PDGFD: variants seen among roughly 807,000 people sequenced by gnomAD.
PDGFD encodes platelet derived growth factor D.
Under a neutral mutation model 44.7 loss-of-function variants are expected in PDGFD, and 30 were observed. The ratio of observed to expected loss-of-function variants is 0.67; its 90% CI spans 0.50 to 0.91. The LOEUF (loss-of-function observed/expected upper bound fraction) is 0.91. Ranked by LOEUF, PDGFD falls within the 40% of genes least tolerant of loss-of-function variation. The pLI is 0.00. For missense variants in PDGFD, 445 were observed against 457.8 expected, an observed-to-expected ratio of 0.97 and a Z score of 0.25; for synonymous variants, 173 against 168.4, an observed-to-expected ratio of 1.03 and a Z score of -0.21.
chr11:104,049,433 T>C (rs1286653764), intron 1 of PDGFD, among the ~76,000 whole-genome samples: 1 of 152,196 alleles, frequency 6.6e-6, no homozygotes, highest in Non-Finnish European at 1.5e-5. Flanking sequence ...AGGGCTAGAT[T>C]ACGTAAGGCT....
chr11:103,914,769 C>G (rs1308569366), intron 6 of PDGFD, among the ~76,000 whole-genome samples: 2 of 152,122 alleles, frequency 1.3e-5, no homozygotes, highest in African/African-American at 4.8e-5. Flanking sequence ...TGGCGTCATC[C>G]CTGGGATGCA....
chr11:104,023,799 T>C (rs1010980289), intron 1 of PDGFD, among the ~76,000 whole-genome samples: 14 of 152,164 alleles, frequency 9.2e-5, no homozygotes, highest in Non-Finnish European at 1.8e-4. Context: ...TCACAGCTTA[T>C]GCATTTACTG....
At chr11:104,025,481 T>C (rs755306481) in intron 1 of PDGFD, among the ~76,000 whole-genome samples, 2 of 152,234 alleles carry the variant, frequency 1.3e-5, no homozygotes, top group South Asian at 4.1e-4. Context: ...CAGTTCTGGT[T>C]TGTTTCTCCC....
intron 1 of PDGFD, among the ~76,000 whole-genome samples, chr11:104,125,906 G>GA (rs1263515715): frequency 3.9e-5 from 6 of 152,122 alleles, no homozygotes; most frequent in Non-Finnish European, 4.4e-5. Flanking sequence ...ATTCAATTCA[G>GA]AAAACTAGAA....
At chr11:104,026,928 T>G (rs1000775959) in intron 1 of PDGFD, among the ~76,000 whole-genome samples, 14 of 152,230 alleles carry the variant, frequency 9.2e-5, no homozygotes, top group Non-Finnish European at 2.1e-4. Context: ...ACAGTTTTGT[T>G]GCACACAAGG....
intron 1 of PDGFD, among the ~76,000 whole-genome samples, chr11:104,011,171 A>G (rs1026044622): frequency 6.6e-6 from 1 of 151,944 alleles, no homozygotes; most frequent in African/African-American, 2.4e-5. Flanking sequence ...ATCAGAGGCA[A>G]TGATCGTAAA....
At chr11:103,988,413 C>T (rs1472320712) in intron 3 of PDGFD, among the ~76,000 whole-genome samples, 2 of 151,750 alleles carry the variant, frequency 1.3e-5, no homozygotes, top group Admixed American at 6.6e-5. Flanking sequence ...CTCAGCACAT[C>T]GGGGAGTCAT....
chr11:104,075,532 CACCCAG>C (rs1358394672), intron 1 of PDGFD, among the ~76,000 whole-genome samples: 1 of 152,022 alleles, frequency 6.6e-6, no homozygotes, highest in Non-Finnish European at 1.5e-5. Context: ...CTTGCTCGGT[CACCCAG>C]ACTGGAGTGC....
At chr11:104,095,968 C>T (rs559316183) in intron 1 of PDGFD, among the ~76,000 whole-genome samples, 1 of 152,256 alleles carries the variant, frequency 6.6e-6, no homozygotes, top group South Asian at 2.1e-4. Flanking sequence ...AACAATAACT[C>T]ATTCAATACT....
chr11:103,931,550 G>C (rs954463555), intron 5 of PDGFD, among the ~76,000 whole-genome samples: 1 of 152,090 alleles, frequency 6.6e-6, no homozygotes, highest in Non-Finnish European at 1.5e-5. Context: ...TTAAACTGCT[G>C]CATGTCCTTG....
chr11:104,115,207 C>A (rs997986562), intron 1 of PDGFD, among the ~76,000 whole-genome samples: 13 of 151,154 alleles, frequency 8.6e-5, no homozygotes, highest in African/African-American at 3.2e-4. Flanking sequence ...TCATCCAGCT[C>A]ACCATGAATG....
intron 5 of PDGFD, among the ~76,000 whole-genome samples, chr11:103,934,550 G>T (rs1858457445): frequency 6.6e-6 from 1 of 152,174 alleles, no homozygotes; most frequent in Admixed American, 6.6e-5. Flanking sequence ...AAGAAAAGAG[G>T]TTTAATGGCC....
chr11:103,928,210 T>G (rs188647469), intron 5 of PDGFD, among the ~76,000 whole-genome samples: 1 of 152,352 alleles, frequency 6.6e-6, no homozygotes, highest in Admixed American at 6.5e-5. Context: ...ATCCATCCAT[T>G]TGGCAGCCAA....
rs557473314 is a variant in PDGFD, at chr11:104,093,606, T to C, written c.124+70198A>G. Among the ~76,000 whole-genome samples the C allele has an allele frequency of 2.1e-3, 320 of 152,098 alleles. 1 individual carries two copies. The highest frequency in any genetic ancestry group is 0.012 in the South Asian group (59 of 4,812). On this transcript the variant is annotated intron_variant, in intron 1 of 6. Coordinates refer to ENST00000393158, the MANE Select transcript of PDGFD (RefSeq NM_025208.5). ...GTTTCCTTCTAAGTTTGCTCTTTCC[T>C]CCCTCATACTTTTCAAACCCCCTCA...
intron 3 of PDGFD, among the ~76,000 whole-genome samples, chr11:103,959,029 A>G (rs931304438): frequency 6.6e-6 from 1 of 152,234 alleles, no homozygotes; most frequent in South Asian, 2.1e-4. Context: ...AAGAGCACTC[A>G]TGAAATGTTA....
At chr11:104,087,501 C>T (rs1694067364) in intron 1 of PDGFD, among the ~76,000 whole-genome samples, 1 of 152,150 alleles carries the variant, frequency 6.6e-6, no homozygotes, top group Non-Finnish European at 1.5e-5. Context: ...GCAACTGAGC[C>T]ACCGTGCCCA....
At chr11:104,125,469 C>A (rs572158237) in intron 1 of PDGFD, among the ~76,000 whole-genome samples, 1 of 152,214 alleles carries the variant, frequency 6.6e-6, no homozygotes, top group African/African-American at 2.4e-5. Context: ...GAGAGAATTT[C>A]TACCTTAACG....
At chr11:103,978,184 C>T (rs1859212259) in intron 3 of PDGFD, among the ~76,000 whole-genome samples, 1 of 151,892 alleles carries the variant, frequency 6.6e-6, no homozygotes, top group African/African-American at 2.4e-5. Context: ...AAGGGATTTT[C>T]TCTTAATTTA....
intron 5 of PDGFD, among the ~76,000 whole-genome samples, chr11:103,940,357 T>C (rs1858564242): frequency 6.6e-6 from 1 of 152,126 alleles, no homozygotes; most frequent in Non-Finnish European, 1.5e-5. Flanking sequence ...TCATGAAAAA[T>C]ACCACTTTCC....
Sources: allele counts gnomAD v4.1 joint callset (sites outside exome capture counted in the v4.1 genomes callset), GRCh38; gene constraint gnomAD v4.1.1; transcripts MANE v1.5; gene names NCBI Gene and HGNC (gene_info 2026-07-23, HGNC 2026-07-21).